The following NLGN1 variants were observed in gnomAD, a reference collection of about 807,000 sequenced individuals.
NLGN1 encodes the protein neuroligin-1.
Under a neutral mutation model 65.5 loss-of-function variants are expected in NLGN1, and 12 were observed. The observed-to-expected ratio is 0.18, with a 90% CI of 0.12 to 0.30. The LOEUF is 0.30. NLGN1 is among the 10% of genes least tolerant of loss of function. The pLI is 1.00. For missense variants in NLGN1, 750 were observed against 1,007.1 expected (o/e 0.74, Z 3.46); for synonymous variants, 350 against 359.5 (o/e 0.97, Z 0.30).
rs1748900361 is a variant in NLGN1 at position 173,593,485 on chromosome 3, G to C, written c.-320-10794G>C. 2.0e-5 allele frequency among the ~76,000 whole-genome samples: 3 copies of C among 152,220 alleles called. No individual in the cohort carries two copies. The South Asian group carries it at 6.2e-4, about 31-fold the overall frequency. ...AAATTACTGTGGAAAAAAGTACTGT[G>C]TGTTTAGTTGCAAAAAATGTAATAA... is the stretch of plus-strand genomic sequence containing the variant. On this transcript the variant is annotated intron_variant, in intron 2 of 6. Coordinates refer to ENST00000457714, the Ensembl canonical transcript of NLGN1.
At chr3:173,874,177 A>G (rs572773731) in intron 4 of NLGN1, among the ~76,000 whole-genome samples, 1 of 152,262 alleles carries the variant, frequency 6.6e-6, no homozygotes, top group Non-Finnish European at 1.5e-5. Flanking sequence ...CTATCAGACT[A>G]ATACAGTGAC....
chr3:173,636,786 G>C (rs1756663333), intron 3 of NLGN1, among the ~76,000 whole-genome samples: 1 of 151,746 alleles, frequency 6.6e-6, no homozygotes, highest in African/African-American at 2.4e-5. Context: ...CATTTCTCTT[G>C]GACACTAATG....
chr3:173,584,247 A>C (rs1157640938), intron 2 of NLGN1, among the ~76,000 whole-genome samples: 4 of 150,804 alleles, frequency 2.7e-5, no homozygotes, highest in African/African-American at 9.7e-5. Flanking sequence ...GCAGAAAGAA[A>C]AAAAAAAAAA....
chr3:174,137,047 A>G (rs1721353760), intron 4 of NLGN1, among the ~76,000 whole-genome samples: 1 of 152,196 alleles, frequency 6.6e-6, no homozygotes, highest in South Asian at 2.1e-4. Context: ...AAAAGCCTAT[A>G]TATATGATAA....
chr3:173,552,647 C>T (rs1444891282), intron 2 of NLGN1, among the ~76,000 whole-genome samples: 1 of 152,142 alleles, frequency 6.6e-6, no homozygotes, highest in Non-Finnish European at 1.5e-5. Flanking sequence ...CTTCCCACCT[C>T]ACAGATTGAA....
chr3:173,783,113 A>G (rs1368576712), intron 3 of NLGN1, among the ~76,000 whole-genome samples: 2 of 152,182 alleles, frequency 1.3e-5, no homozygotes, highest in East Asian at 3.9e-4. Flanking sequence ...AAGAGTGGTT[A>G]CCATAGGATT....
intron 3 of NLGN1, among the ~76,000 whole-genome samples, chr3:173,717,077 A>T (rs1769983679): frequency 6.6e-6 from 1 of 152,162 alleles, no homozygotes; most frequent in Non-Finnish European, 1.5e-5. Flanking sequence ...TTTTAAGCCC[A>T]TCCTTGCACT....
In NLGN1 at chr3:174,194,845, AT is replaced by A. The variant is rs747912107; in HGVS notation, c.647-80461del. 7.8e-5 allele frequency among the ~76,000 whole-genome samples: 11 copies of A among 140,614 alleles called. No individual in the cohort carries two copies. The Admixed American group carries it at 8.1e-4, about 10-fold the overall frequency. 92.2% of individuals were successfully genotyped at this position (140,614 alleles called of 152,430 possible). A position where few individuals can be genotyped will look rare whatever the true frequency, so the allele number is the denominator to read the frequency against. ...AGAAAGTTTCAGTGAACCATTCAAG[AT>A]TTTTTTTTCTTTTTTCTTTTTTCTT... On this transcript the variant is annotated intron_variant, in intron 4 of 6. Transcript: ENST00000457714.
intron 2 of NLGN1, among the ~76,000 whole-genome samples, chr3:173,585,301 G>A (rs1747194930): frequency 6.6e-6 from 1 of 152,102 alleles, no homozygotes; most frequent in African/African-American, 2.4e-5. Flanking sequence ...CCCAGATCCA[G>A]TGCTTTCTCC....
chr3:174,246,827 A>G (rs369193436), intron 4 of NLGN1, among the ~76,000 whole-genome samples: 1 of 152,300 alleles, frequency 6.6e-6, no homozygotes, highest in East Asian at 1.9e-4. Flanking sequence ...ATTGGTCTTG[A>G]TAATCTGCTG....
intron 4 of NLGN1, among the ~76,000 whole-genome samples, chr3:173,865,275 CA>C: frequency 6.6e-6 from 1 of 152,112 alleles, no homozygotes; most frequent in South Asian, 2.1e-4. Flanking sequence ...AACCAAACTT[CA>C]ACCCTTTAAT....
intron 4 of NLGN1, among the ~76,000 whole-genome samples, chr3:174,231,604 C>T (rs1050155002): frequency 9.9e-5 from 15 of 152,146 alleles, no homozygotes; most frequent in African/African-American, 3.1e-4. Context: ...ATTTAGTTTG[C>T]GGTTTCAATG....
intron 4 of NLGN1, among the ~76,000 whole-genome samples, chr3:173,839,623 A>G (rs1324115111): frequency 6.6e-6 from 1 of 152,026 alleles, no homozygotes; most frequent in South Asian, 2.1e-4. Context: ...GGGTTTTACC[A>G]TGTTGGCCAG....
chr3:173,927,962 A>G (rs1462684754), intron 4 of NLGN1, among the ~76,000 whole-genome samples: 1 of 152,168 alleles, frequency 6.6e-6, no homozygotes, highest in African/African-American at 2.4e-5. Context: ...CTTTTTATGT[A>G]GGAATTGTAG....
intron 2 of NLGN1, among the ~76,000 whole-genome samples, chr3:173,515,974 A>G (rs1245764477): frequency 6.6e-6 from 1 of 151,958 alleles, no homozygotes; most frequent in African/African-American, 2.4e-5. Context: ...AGGGTCTTGA[A>G]TTTTATCAAT....
chr3:173,465,648 T>C (rs895778420), intron 2 of NLGN1, among the ~76,000 whole-genome samples: 2 of 152,330 alleles, frequency 1.3e-5, no homozygotes, highest in Non-Finnish European at 2.9e-5. Context: ...GATGAAGTCA[T>C]ATTTTTGAAA....
At chr3:173,919,215 T>G (rs1008986786) in intron 4 of NLGN1, among the ~76,000 whole-genome samples, 1 of 152,158 alleles carries the variant, frequency 6.6e-6, no homozygotes, top group Non-Finnish European at 1.5e-5. Flanking sequence ...TTCTGGAGAT[T>G]AAGACTCAGA....
At chr3:173,618,964 G>A (rs979733352) in intron 3 of NLGN1, among the ~76,000 whole-genome samples, 11 of 152,212 alleles carry the variant, frequency 7.2e-5, no homozygotes, top group Admixed American at 5.2e-4. Flanking sequence ...TGTGCAGTCC[G>A]GCTGATCCCT....
chr3:174,121,407 G>A (rs781664199), intron 4 of NLGN1, among the ~76,000 whole-genome samples: 7 of 152,176 alleles, frequency 4.6e-5, no homozygotes, highest in Non-Finnish European at 1.0e-4. Flanking sequence ...CCTGTGCTTT[G>A]TGTAAAAATG....
Sources: gnomAD v4.1 joint callset for allele counts (sites outside exome capture counted in the v4.1 genomes callset) on GRCh38, gnomAD v4.1.1 for gene constraint, MANE v1.5 for transcripts, NCBI Gene and HGNC (gene_info 2026-07-23, HGNC 2026-07-21) for gene names.